The following EYS variants were observed in gnomAD, a reference collection of about 807,000 sequenced individuals.
EYS encodes the protein EGF-like photoreceptor maintenance factor.
A neutral mutation model predicts 282.1 loss-of-function variants in EYS; 250 were observed. The observed-to-expected ratio is 0.89, with a 90% confidence interval of 0.80 to 0.98. The LOEUF (loss-of-function observed/expected upper bound fraction) is 0.98. Ranked by LOEUF, EYS falls within the 50% of genes least tolerant of loss-of-function variation. The pLI, the probability that EYS is intolerant of heterozygous loss-of-function variation, is 0.00. For missense variants in EYS, 4,016 were observed against 3,709.0 expected, an observed-to-expected ratio of 1.08 and a Z score of -2.15; for synonymous variants, 1,355 against 1,282.9, an observed-to-expected ratio of 1.06 and a Z score of -1.20.
intron 5 of EYS, among the ~76,000 whole-genome samples, chr6:65,442,460 T>A (rs1768370950): frequency 6.6e-6 from 1 of 151,952 alleles, no homozygotes; most frequent in South Asian, 2.1e-4. Flanking sequence ...TTCATAAATT[T>A]TAAAAATGAA....
intron 4 of EYS, among the ~76,000 whole-genome samples, chr6:65,493,873 G>A (rs542437627): frequency 5.9e-5 from 9 of 152,110 alleles, no homozygotes; most frequent in African/African-American, 2.2e-4. Flanking sequence ...CATTGCTCTT[G>A]GCTCACAATT....
intron 22 of EYS, among the ~76,000 whole-genome samples, chr6:64,754,445 C>T (rs917671060): frequency 1.3e-5 from 2 of 151,974 alleles, no homozygotes; most frequent in Non-Finnish European, 2.9e-5. Flanking sequence ...TGAAACTGTT[C>T]CAAAAAGTTG....
chr6:65,475,596 T>G (rs183090981), intron 5 of EYS, among the ~76,000 whole-genome samples: 34 of 152,264 alleles, frequency 2.2e-4, no homozygotes, highest in Non-Finnish European at 3.5e-4. Flanking sequence ...GAAGGCACCA[T>G]TTTCAAATTA....
Position 65,624,489 on chromosome 6 carries a change from A to C in EYS, c.-333+15289T>G, listed in dbSNP as rs115223101. ...AAAGATGCTGTGATGGTTAATATTG[A>C]GTGTCAGCTTGATTGGATCGAAGGA... is the stretch of plus-strand genomic sequence containing the variant. On this transcript the variant is annotated intron_variant, in intron 2 of 42. Coordinates refer to ENST00000503581, the MANE Select transcript of EYS (RefSeq NM_001142800.2). Among the ~76,000 whole-genome samples the C allele has an allele frequency of 6.1e-3, 930 of 152,206 alleles. 9 individuals carry two copies. The highest frequency in any genetic ancestry group is 0.021 in the African/African-American group (884 of 41,512).
chr6:64,086,700 C>G (rs906035577), intron 31 of EYS, among the ~76,000 whole-genome samples: 10 of 152,040 alleles, frequency 6.6e-5, no homozygotes, highest in African/African-American at 2.4e-4. Context: ...GTTTTTTATC[C>G]TACGTTACAA....
At chr6:63,922,289 AC>A (rs1764592823) in intron 35 of EYS, among the ~76,000 whole-genome samples, 1 of 152,176 alleles carries the variant, frequency 6.6e-6, no homozygotes, top group Admixed American at 6.6e-5. Context: ...CTTGCCTGGT[AC>A]AGTGGCTCAC....
At chr6:64,724,780 T>C (rs1771696553) in intron 22 of EYS, among the ~76,000 whole-genome samples, 1 of 152,164 alleles carries the variant, frequency 6.6e-6, no homozygotes, top group Non-Finnish European at 1.5e-5. Context: ...TGTGAGTCAA[T>C]AATGACTTCA....
intron 2 of EYS, among the ~76,000 whole-genome samples, chr6:65,606,907 T>G (rs2149792921): frequency 6.6e-6 from 1 of 151,830 alleles, no homozygotes; most frequent in African/African-American, 2.4e-5. Flanking sequence ...AATTTTGAAT[T>G]TACTAGTTAT....
intron 22 of EYS, among the ~76,000 whole-genome samples, chr6:64,711,024 G>A (rs901375666): frequency 5.3e-5 from 8 of 152,170 alleles, no homozygotes; most frequent in Non-Finnish European, 1.0e-4. Context: ...CGTACCGTAA[G>A]ACAGAGCTAC....
At chr6:64,389,304 C>T (rs974975665) in intron 28 of EYS, among the ~76,000 whole-genome samples, 9 of 152,166 alleles carry the variant, frequency 5.9e-5, no homozygotes, top group African/African-American at 2.2e-4. Context: ...AAGCAAAGCA[C>T]AGAAAAATTA....
chr6:64,278,880 T>C (rs947534935), intron 30 of EYS, among the ~76,000 whole-genome samples: 4 of 152,020 alleles, frequency 2.6e-5, no homozygotes, highest in African/African-American at 9.7e-5. Context: ...TCTCCTGCCT[T>C]AGACTCCTGC....
chr6:63,985,912 A>T (rs1313704306), intron 34 of EYS, among the ~76,000 whole-genome samples: 1 of 151,948 alleles, frequency 6.6e-6, no homozygotes, highest in Admixed American at 6.6e-5. Flanking sequence ...AACAAAAGCC[A>T]AAATTGACTA....
chr6:65,044,695 A>T (rs1469233988), intron 13 of EYS, among the ~76,000 whole-genome samples: 1 of 151,888 alleles, frequency 6.6e-6, no homozygotes, highest in Non-Finnish European at 1.5e-5. Flanking sequence ...AAGCAGCCAC[A>T]ACCACTCAGC....
At chr6:64,518,541 C>G (rs1777632053) in intron 26 of EYS, among the ~76,000 whole-genome samples, 3 of 151,710 alleles carry the variant, frequency 2.0e-5, no homozygotes, top group African/African-American at 4.8e-5. Flanking sequence ...ATATTTTATC[C>G]TTAAAAATAG....
At chr6:65,214,452 G>C (rs1047951565) in intron 12 of EYS, among the ~76,000 whole-genome samples, 1 of 152,192 alleles carries the variant, frequency 6.6e-6, no homozygotes. Flanking sequence ...GGGAAGGCGG[G>C]AGAGAGGTGA....
At chr6:64,960,093 G>C (rs952695257) in intron 14 of EYS, among the ~76,000 whole-genome samples, 22 of 151,874 alleles carry the variant, frequency 1.4e-4, no homozygotes, top group African/African-American at 5.3e-4. Flanking sequence ...TAATTTTCAG[G>C]TATAGAAAAA....
At position 65,344,248 on chromosome 6, in the gene EYS, C is replaced by T; in HGVS notation, c.1460-71G>A. 3.2e-6 allele frequency: 4 copies of T among 1,259,078 alleles called. No homozygotes were observed. In the East Asian group the frequency reaches 1.0e-4, roughly 31 times the overall value. 78.0% of individuals were successfully genotyped at this position (1,259,078 alleles called of 1,614,324 possible). The stretch of plus-strand genomic sequence containing the variant: ...TGAATTCAGAATGAATTATTAAGGA[C>T]TGTGGTCAAATTACTTGAAAAGATA... On this transcript the variant is annotated intron_variant, in intron 9 of 42. Transcript: ENST00000503581.
At chr6:64,635,813 G>C (rs959310760) in intron 22 of EYS, among the ~76,000 whole-genome samples, 1 of 152,094 alleles carries the variant, frequency 6.6e-6, no homozygotes, top group Non-Finnish European at 1.5e-5. Context: ...GCCAGGCTTT[G>C]GTATCAGGAT....
In EYS at chr6:64,436,162, T is replaced by C. The variant is rs1774740277; in HGVS notation, c.5927+12A>G. 14 of 1,432,920 alleles carry C rather than the reference T, an allele frequency of 9.8e-6. No homozygotes were observed. Among genetic ancestry groups the C allele is most frequent in the African/African-American group, 1.4e-5 (1 of 69,856 alleles). The allele number at this position is 1,432,920 out of a possible 1,614,324, so 88.8% of individuals were successfully genotyped here. On this transcript the variant is annotated intron_variant, in intron 28 of 42. Transcript: ENST00000503581. ...TTAATGAGATTAACTGGAAAAGAAA[T>C]AATTATCTTACCTGATAAGCAGTGT...
Sources: allele counts gnomAD v4.1 joint callset (sites outside exome capture counted in the v4.1 genomes callset), GRCh38; gene constraint gnomAD v4.1.1; transcripts MANE v1.5; gene names NCBI Gene and HGNC (gene_info 2026-07-23, HGNC 2026-07-21).